C11orf16: variants seen among roughly 807,000 people sequenced by gnomAD.
The protein encoded by C11orf16 is chromosome 11 open reading frame 16, also known as uncharacterized protein C11orf16.
In C11orf16, 38 loss-of-function variants were observed where a neutral mutation model predicts 45.1. That is an observed-to-expected ratio of 0.84 (90% CI 0.65 to 1.10). The LOEUF is 1.10. Among genes scored for constraint, C11orf16 ranks in the 50% least tolerant of loss-of-function variants. The probability of loss-of-function intolerance (pLI) is 0.00; values close to 1 mark genes in which losing one functional copy is unlikely to be tolerated. For missense variants in C11orf16, 583 were observed against 569.5 expected, an observed-to-expected ratio of 1.02 and a Z score of -0.24; for synonymous variants, 221 against 222.0, an observed-to-expected ratio of 1.00 and a Z score of 0.04.
In C11orf16 at chr11:8,925,946, G is replaced by T; in HGVS notation, c.721C>A (p.Pro241Thr). 1.2e-6 allele frequency: 2 copies of T among 1,614,162 alleles called. No homozygotes were observed. The highest frequency in any genetic ancestry group is 1.7e-6 in the Non-Finnish European group (2 of 1,180,036). Residue 241 changes from proline (P) to threonine (T), a missense_variant, in exon 5 of 7, where the codon CCT becomes ACT. By Grantham distance (38) the Pro-to-Thr change is conservative. Transcript: ENST00000326053. ...ATTGGCCCTAGCAGAGAGCAGCAAGGGGCCCAGTGAAGGGGCCTGGGGTGC... is the reference window on the plus strand; with the variant it reads ...ATTGGCCCTAGCAGAGAGCAGCAAGTGGCCCAGTGAAGGGGCCTGGGGTGC... ...REHPRPLHWA[P>T]CCSLLGPITG...
Position 8,929,373 on chromosome 11 carries a change from T to C in C11orf16, c.324+4A>G. On this transcript the variant is annotated splice_donor_region_variant and intron_variant, in intron 3 of 6. Transcript: ENST00000326053. Reference sequence around the variant, plus strand: ...CCAGGGAGATACTGGGGTCAGGGACTTGCCTCGGGAGTGGCCTTTATTTGG... The same window carrying C: ...CCAGGGAGATACTGGGGTCAGGGACCTGCCTCGGGAGTGGCCTTTATTTGG... 1 of 1,613,086 alleles carries C rather than the reference T, an allele frequency of 6.2e-7. No homozygotes were observed. The highest frequency in any genetic ancestry group is 8.5e-7 in the Non-Finnish European group (1 of 1,179,470).
At chr11:8,931,648 C>T (rs1004689812) in intron 2 of C11orf16, among the ~76,000 whole-genome samples, 3 of 152,166 alleles carry the variant, frequency 2.0e-5, no homozygotes, top group Non-Finnish European at 2.9e-5. Context: ...CCTTGGCCTC[C>T]CAAAGTGCTG....
At chr11:8,929,642 C>T (rs1012926135) in intron 2 of C11orf16, 109 bp from the exon 3 acceptor site, 57 of 1,052,166 alleles carry the variant, frequency 5.4e-5, no homozygotes, top group Non-Finnish European at 6.7e-5. Flanking sequence ...ATGAGGCATG[C>T]GGAACAGAAA....
Position 8,921,383 on chromosome 11 carries a change from C to G in C11orf16, c.1337G>C (p.Gly446Ala), listed in dbSNP as rs2064571629. The change falls in exon 6 of 7, where the codon GGG becomes GCG. Residue 446 changes from glycine to alanine, a missense_variant. By Grantham distance (60) the Gly-to-Ala change is moderately conservative. Coordinates refer to ENST00000326053, the MANE Select transcript of C11orf16 (RefSeq NM_020643.3). ...ACTCCGCTTTCTGTGTTCAGCTTCC[C>G]CTGGCGGGGTCCGCGGTGGCTTCAT... ...THMKPPRTPP[G>A]EAEHRKRSQS... 1 of 1,614,078 alleles carries G rather than the reference C, an allele frequency of 6.2e-7. No individual in the cohort carries two copies. The highest frequency in any genetic ancestry group is 1.3e-5 in the African/African-American group (1 of 74,922).
chr11:8,920,703 C>A lies in C11orf16; in HGVS notation c.*23-253G>T, dbSNP rs530460239. ...AGGTGTGGTGGCATGTGCCTAGCTA[C>A]TCAGGTCCTAGCTACTCAGGAGGCT... is the stretch of plus-strand genomic sequence containing the variant. On this transcript the variant is annotated intron_variant, in intron 6 of 6. Coordinates refer to ENST00000326053, the MANE Select transcript of C11orf16 (RefSeq NM_020643.3). Among the ~76,000 whole-genome samples, 18 of 152,284 alleles carry A rather than the reference C, an allele frequency of 1.2e-4. No homozygotes were observed. The South Asian group carries it at 3.7e-3, about 32-fold the overall frequency.
At chr11:8,932,444 G>T (rs777557953) in intron 1 of C11orf16, 118 bp from the exon 2 acceptor site, 22 of 723,782 alleles carry the variant, frequency 3.0e-5, no homozygotes, top group Non-Finnish European at 4.4e-5. Context: ...GTCCATGCAC[G>T]GCCCTACCTG....
chr11:8,929,474 C>G lies in C11orf16; in HGVS notation c.227G>C (p.Trp76Ser). ...GGCAGCATCTCCAGCTCTTCCCAGC[C>G]AGCCAGGCCCCTGCCATGCTGGGTC... Reference protein sequence around the residue: ...VADPAWQGPGWLGRAGDAANT... With the variant: ...VADPAWQGPGSLGRAGDAANT... The change falls in exon 3 of 7, where the codon TGG becomes TCG. Residue 76 changes from tryptophan (W) to serine (S), a missense_variant. Trp to Ser is a radical substitution (Grantham distance 177). Coordinates refer to ENST00000326053, the MANE Select transcript of C11orf16 (RefSeq NM_020643.3). The G allele has an allele frequency of 6.2e-7, 1 of 1,614,182 alleles. No individual in the cohort carries two copies. The highest frequency in any genetic ancestry group is 8.5e-7 in the Non-Finnish European group (1 of 1,180,022).
At chr11:8,926,185 C>CTTTTTTTTTTTTTTTTTTT (rs59858402) in intron 4 of C11orf16, 78 bp from the exon 5 acceptor site, 25 of 888,944 alleles carry the variant, frequency 2.8e-5, no homozygotes, top group African/African-American at 1.5e-4. Context: ...TTTTTCTTTT[C>CTTTTTTTTTTTTTTTTTTT]TTTTTTTTTT....
At chr11:8,924,171 A>T (rs898473839) in intron 5 of C11orf16, among the ~76,000 whole-genome samples, 1 of 152,072 alleles carries the variant, frequency 6.6e-6, no homozygotes, top group Admixed American at 6.5e-5. Flanking sequence ...CTCATTACAA[A>T]CAATTTCTCA....
rs1469669936 is a variant in C11orf16, at chr11:8,932,101, A to G, written c.167+41T>C. Reference sequence around the variant, plus strand: ...CAACAGCCAAGAACAAAGGAAAAAGAAAAGGGCATCCACTTCCCCCAGAGG... The same window carrying G: ...CAACAGCCAAGAACAAAGGAAAAAGGAAAGGGCATCCACTTCCCCCAGAGG... On this transcript the variant is annotated intron_variant, in intron 2 of 6. Transcript: ENST00000326053. 5 of 1,507,794 alleles carry G rather than the reference A, an allele frequency of 3.3e-6. No individual in the cohort carries two copies. The African/African-American group carries it at 4.2e-5, about 13-fold the overall frequency. The allele number at this position is 1,507,794 out of a possible 1,614,324, so 93.4% of individuals were successfully genotyped here. A position where few individuals can be genotyped will look rare whatever the true frequency, so the allele number is the denominator to read the frequency against.
chr11:8,930,925 C>T (rs1013518389), intron 2 of C11orf16, among the ~76,000 whole-genome samples: 3 of 152,184 alleles, frequency 2.0e-5, no homozygotes, highest in South Asian at 4.2e-4. Flanking sequence ...GATGGTCCAC[C>T]GGGTGGATCA....
intron 5 of C11orf16, among the ~76,000 whole-genome samples, chr11:8,922,588 C>T (rs2064582748): frequency 1.3e-5 from 2 of 152,356 alleles, no homozygotes; most frequent in South Asian, 4.1e-4. Context: ...GAACCTCTCA[C>T]TGCCTGTAAC....
At position 8,925,714 on chromosome 11, in the gene C11orf16, A is replaced by G. The variant is rs930352557; in HGVS notation, c.953T>C (p.Leu318Pro). The G allele has an allele frequency of 8.7e-6, 14 of 1,614,106 alleles. No homozygotes were observed. Among genetic ancestry groups the G allele is most frequent in the Non-Finnish European group, 1.2e-5 (14 of 1,180,040 alleles). The change falls in exon 5 of 7, where the codon CTG (leucine) becomes CCG (proline). Residue 318 changes from leucine to proline, a missense_variant. Physicochemically the swap from Leu to Pro is moderately conservative, Grantham distance 98 (BLOSUM62 -3). Coordinates refer to ENST00000326053, the MANE Select transcript of C11orf16 (RefSeq NM_020643.3). ...TACTTTCTCCTCTTTAGGACCTTCC[A>G]GGGGCAAAAGCTGTGCTGTGGGCTC... ...ELEPTAQLLPLEGPKEEKVAM... is the reference protein window; with the variant it reads ...ELEPTAQLLPPEGPKEEKVAM...
intron 3 of C11orf16, among the ~76,000 whole-genome samples, chr11:8,927,969 G>A (rs1221575789): frequency 1.3e-5 from 2 of 152,104 alleles, no homozygotes; most frequent in African/African-American, 2.4e-5. Flanking sequence ...GTGCAATGGC[G>A]TGATCTTGGT....
chr11:8,922,467 C>T (rs1200861583), intron 5 of C11orf16, among the ~76,000 whole-genome samples: 3 of 152,154 alleles, frequency 2.0e-5, no homozygotes, highest in East Asian at 1.9e-4. Flanking sequence ...ATGCTTTTTA[C>T]GTTTCTTTTA....
At position 8,932,139 on chromosome 11, in the gene C11orf16, T is replaced by C. The variant is rs1280824832; in HGVS notation, c.167+3A>G. Reference sequence around the variant, plus strand: ...CTTCCCCCAGAGGGGCAGAGACAGGTACCTTGCAAGGGGCTTGTGCCCGGT... The same window carrying C: ...CTTCCCCCAGAGGGGCAGAGACAGGCACCTTGCAAGGGGCTTGTGCCCGGT... On this transcript the variant is annotated splice_donor_region_variant and intron_variant, in intron 2 of 6. Transcript: ENST00000326053. The C allele has an allele frequency of 1.9e-6, 3 of 1,573,702 alleles. No individual in the cohort carries two copies. Among genetic ancestry groups the C allele is most frequent in the East Asian group, 2.3e-5 (1 of 43,636 alleles).
chr11:8,929,561 A>T (rs556261493), intron 2 of C11orf16, 28 bp from the exon 3 acceptor site: 7 of 1,593,178 alleles, frequency 4.4e-6, no homozygotes, highest in Non-Finnish European at 5.1e-6. Context: ...GAATTAGTGG[A>T]TAGAGAGCAA....
intron 3 of C11orf16, chr11:8,927,518 A>T: frequency 2.2e-6 from 1 of 446,232 alleles, no homozygotes; most frequent in East Asian, 6.6e-5. Context: ...TCCTCCCTGG[A>T]CCTTTTCTCA....
At chr11:8,930,804 C>T (rs542002634) in intron 2 of C11orf16, among the ~76,000 whole-genome samples, 21 of 152,298 alleles carry the variant, frequency 1.4e-4, no homozygotes, top group South Asian at 8.3e-4. Context: ...CCAGGCTGTT[C>T]GTGCTGAGGA....
Sources: gnomAD v4.1 joint callset for allele counts (sites outside exome capture counted in the v4.1 genomes callset) on GRCh38, gnomAD v4.1.1 for gene constraint, MANE v1.5 for transcripts, NCBI Gene and HGNC (gene_info 2026-07-23, HGNC 2026-07-21) for gene names.